REEP2: variants seen among roughly 807,000 people sequenced by gnomAD.
REEP2 encodes the protein receptor accessory protein 2.
REEP2 carries 9 observed loss-of-function variants against 32.1 expected under a neutral mutation model. That is an observed-to-expected ratio of 0.28 (90% confidence interval 0.17 to 0.49). The LOEUF is 0.49. REEP2 is among the 20% of genes least tolerant of loss of function. The pLI, the probability that REEP2 is intolerant of heterozygous loss-of-function variation, is 0.99. For synonymous variants in REEP2, 128 were observed against 139.1 expected, an observed-to-expected ratio of 0.92 and a Z score of 0.56; for missense variants, 236 against 338.0, an observed-to-expected ratio of 0.70 and a Z score of 2.37.
At position 138,446,890 on chromosome 5, in the gene REEP2, C is replaced by T. The variant is rs1306439644; in HGVS notation, c.*1139C>T. 1 of 152,276 alleles carries T rather than the reference C, an allele frequency of 6.6e-6. No individual in the cohort carries two copies. The highest frequency in any genetic ancestry group is 6.5e-5 in the Admixed American group (1 of 15,284). The allele number at this position is 152,276 out of a possible 1,614,324, so 9.4% of individuals were successfully genotyped here. On this transcript the variant is annotated 3_prime_UTR_variant, in exon 8 of 8. Coordinates refer to ENST00000378339, the MANE Select transcript of REEP2 (RefSeq NM_001271803.2). ...AGAGAAATGCAGGAGCCGCGGGGCT[C>T]CCGGTTCCTTGGGAAGAGGGTGCCC...
At chr5:138,442,476 G>T (rs560236855) in intron 3 of REEP2, among the ~76,000 whole-genome samples, 1 of 152,282 alleles carries the variant, frequency 6.6e-6, no homozygotes, top group South Asian at 2.1e-4. Context: ...ACTTTGGGAG[G>T]CCAAGGCAGG....
intron 4 of REEP2, 47 bp from the exon 5 acceptor site, chr5:138,444,707 G>A: frequency 6.3e-7 from 1 of 1,592,456 alleles, no homozygotes; most frequent in South Asian, 1.1e-5. Flanking sequence ...GGTGAACAAG[G>A]GTAGGGCAGG....
Position 138,445,766 on chromosome 5 carries a change from G to T in REEP2, c.*15G>T, listed in dbSNP as rs141618979. On this transcript the variant is annotated 3_prime_UTR_variant, in exon 8 of 8. Coordinates refer to ENST00000378339, the MANE Select transcript of REEP2 (RefSeq NM_001271803.2). ...ACTCAGCTTGAGCCCCTCCACCCCCGCAGGCTGCAGAGCAAGGATGAAGCC... is the reference window on the plus strand; with the variant it reads ...ACTCAGCTTGAGCCCCTCCACCCCCTCAGGCTGCAGAGCAAGGATGAAGCC... 2.5e-6 allele frequency: 4 copies of T among 1,610,928 alleles called. No homozygotes were observed. The highest frequency in any genetic ancestry group is 3.4e-6 in the Non-Finnish European group (4 of 1,178,554).
At chr5:138,443,006 C>T (rs1763855017) in intron 3 of REEP2, among the ~76,000 whole-genome samples, 1 of 146,524 alleles carries the variant, frequency 6.8e-6, no homozygotes, top group Admixed American at 6.8e-5. Flanking sequence ...AGCCTGGCAA[C>T]AGAGCAAGAC....
At chr5:138,442,235 A>G (rs1185484642) in intron 3 of REEP2, among the ~76,000 whole-genome samples, 1 of 152,244 alleles carries the variant, frequency 6.6e-6, no homozygotes, top group African/African-American at 2.4e-5. Flanking sequence ...CAGGAACTCA[A>G]AAATGTTTAC....
rs575389338 is a variant in REEP2 at position 138,446,105 on chromosome 5, C to T, written c.*354C>T. ...GCAATCCGCTTCTCAGAGGTCCTGT[C>T]GTGTTTCCACTGCTCGCCTTGGTTT... On this transcript the variant is annotated 3_prime_UTR_variant, in exon 8 of 8. Transcript: ENST00000378339. The T allele has an allele frequency of 1.7e-5, 4 of 228,742 alleles. No individual in the cohort carries two copies. The highest frequency in any genetic ancestry group is 5.1e-5 in the Admixed American group (1 of 19,546). 14.2% of individuals were successfully genotyped at this position (228,742 alleles called of 1,614,324 possible).
rs370719603 is a variant in REEP2, at chr5:138,442,508, C to T, written c.182+1047C>T. Among the ~76,000 whole-genome samples, 42 of 151,222 alleles carry T rather than the reference C, an allele frequency of 2.8e-4. No individual in the cohort carries two copies. The East Asian group carries it at 6.5e-3, about 23-fold the overall frequency. ...CAGGCAGATCACGAGGTCAGGAGAT[C>T]GAGACCATCCTGGCCAACACGGTGA... On this transcript the variant is annotated intron_variant, in intron 3 of 7. Coordinates refer to ENST00000378339, the MANE Select transcript of REEP2 (RefSeq NM_001271803.2).
intron 1 of REEP2, chr5:138,439,701 G>GC (rs1198843955): frequency 6.6e-6 from 3 of 457,514 alleles, no homozygotes; most frequent in South Asian, 4.6e-5. Flanking sequence ...CCATCACCAG[G>GC]CCCCTTGGTC....
intron 1 of REEP2, chr5:138,439,919 A>C: frequency 2.6e-6 from 1 of 382,904 alleles, no homozygotes. Context: ...GCTGCCAGCC[A>C]CACTGTGGAG....
chr5:138,445,196 C>G, intron 5 of REEP2, 32 bp from the exon 6 acceptor site: 1 of 1,552,144 alleles, frequency 6.4e-7, no homozygotes, highest in Admixed American at 2.0e-5. Flanking sequence ...CCCCTTCCCC[C>G]CGGCTCTCCC....
intron 1 of REEP2, chr5:138,439,800 A>C: frequency 2.2e-6 from 1 of 455,616 alleles, no homozygotes; most frequent in South Asian, 1.5e-5. Context: ...CGGGAAGCAG[A>C]AATGCTCGGA....
chr5:138,445,252 C>A lies in REEP2; in HGVS notation c.442C>A (p.Leu148Ile). Residue 148 changes from leucine (L) to isoleucine (I), a missense_variant, in exon 6 of 8, where the codon CTC (leucine) becomes ATC (isoleucine). Coordinates refer to ENST00000378339, the MANE Select transcript of REEP2 (RefSeq NM_001271803.2). The stretch of plus-strand genomic sequence containing the variant: ...GGGCCAGGGGGTGCTGTCAGAGAAG[C>A]TCCGCAGCTTCAGCATGCAGGACCT... ...AKGQGVLSEK[L>I]RSFSMQDLTL... 1 of 1,611,798 alleles carries A rather than the reference C, an allele frequency of 6.2e-7. No homozygotes were observed. The highest frequency in any genetic ancestry group is 8.5e-7 in the Non-Finnish European group (1 of 1,179,054).
At chr5:138,445,095 C>G in intron 5 of REEP2, 133 bp from the exon 6 acceptor site, 1 of 1,065,982 alleles carries the variant, frequency 9.4e-7, no homozygotes, top group East Asian at 2.4e-5. Context: ...GCCCTCAGCT[C>G]TGTCTGTGTG....
chr5:138,445,145 G>A (rs1763902027), intron 5 of REEP2, 83 bp from the exon 6 acceptor site: 1 of 1,453,208 alleles, frequency 6.9e-7, no homozygotes. Context: ...ACCGAGCCTG[G>A]GGCTGCTGCC....
At chr5:138,440,298 G>A (rs1377793773) in intron 1 of REEP2, among the ~76,000 whole-genome samples, 1 of 152,248 alleles carries the variant, frequency 6.6e-6, no homozygotes, top group Non-Finnish European at 1.5e-5. Flanking sequence ...CCATCCCAGG[G>A]GGAATGGAGG....
rs1763924962 is a variant in REEP2, at chr5:138,446,010, T to C, written c.*259T>C. Reference sequence around the variant, plus strand: ...AGCCACCCAAGGAGGTGGGGACTGCTCGGCCTCCACCGCTGTTCCGCTGCA... The same window carrying C: ...AGCCACCCAAGGAGGTGGGGACTGCCCGGCCTCCACCGCTGTTCCGCTGCA... On this transcript the variant is annotated 3_prime_UTR_variant, in exon 8 of 8. Coordinates refer to ENST00000378339, the MANE Select transcript of REEP2 (RefSeq NM_001271803.2). 1 of 514,694 alleles carries C rather than the reference T, an allele frequency of 1.9e-6. No individual in the cohort carries two copies. Among genetic ancestry groups the C allele is most frequent in the Non-Finnish European group, 3.4e-6 (1 of 290,362 alleles). The allele number at this position is 514,694 out of a possible 1,614,324, so 31.9% of individuals were successfully genotyped here.
rs1763820941 is a variant in REEP2 at position 138,441,345 on chromosome 5, C to G, written c.106-40C>G. 2 of 1,581,420 alleles carry G rather than the reference C, an allele frequency of 1.3e-6. No individual in the cohort carries two copies. Among genetic ancestry groups the G allele is most frequent in the Admixed American group, 3.3e-5 (2 of 59,964 alleles). ...GGGGTCCTGGGTGTCCCTGGCCCCT[C>G]AGCCCCGTGCCCCAGCCAGCGCTTC... On this transcript the variant is annotated intron_variant, in intron 2 of 7. Transcript: ENST00000378339. This position sits in a 1 kb window ranked among gnomAD's most constrained non-coding sequence, Gnocchi z 4.4.
chr5:138,444,528 A>G lies in REEP2; in HGVS notation c.296A>G (p.Lys99Arg). ...RKFVHPTLSN[K>R]EKEIDEYITQ... ...TTCGTGCACCCAACGCTGTCCAACA[A>G]GGAGAAGGTTTGCCCCCACTCTCAG... The change falls in exon 4 of 8, where the codon AAG (lysine) becomes AGG (arginine). Residue 99 changes from lysine (K) to arginine (R), a missense_variant. Transcript: ENST00000378339. 6.2e-7 allele frequency: 1 copy of G among 1,614,012 alleles called. No homozygotes were observed. The highest frequency in any genetic ancestry group is 8.5e-7 in the Non-Finnish European group (1 of 1,179,916).
chr5:138,441,473 C>T lies in REEP2; in HGVS notation c.182+12C>T, dbSNP rs748325112. The T allele has an allele frequency of 1.5e-5, 24 of 1,612,400 alleles. No homozygotes were observed. Among genetic ancestry groups the T allele is most frequent in the East Asian group, 4.5e-5 (2 of 44,880 alleles). On this transcript the variant is annotated intron_variant, in intron 3 of 7. Transcript: ENST00000378339. This position sits in a 1 kb window ranked among gnomAD's most constrained non-coding sequence, Gnocchi z 4.4. ...ATAGTGCTCTCCTGGTGAGGTCCAG[C>T]GTCCCCTCCTGTATCTCAGGGCCCA...
Sources: gnomAD v4.1 joint callset for allele counts (sites outside exome capture counted in the v4.1 genomes callset) on GRCh38, gnomAD v4.1.1 for gene constraint, Gnocchi (gnomAD v3.1) non-coding constraint, MANE v1.5 for transcripts, NCBI Gene and HGNC (gene_info 2026-07-23, HGNC 2026-07-21) for gene names.